ARPC2: variants seen among roughly 807,000 people sequenced by gnomAD.
The protein encoded by ARPC2 is actin-related protein 2/3 complex subunit 2.
In ARPC2, 4 loss-of-function variants were observed where a neutral mutation model predicts 38.6. The observed-to-expected ratio is 0.10, with a 90% CI of 0.05 to 0.24. ARPC2 has a LOEUF of 0.24. Among genes scored for constraint, ARPC2 ranks in the 10% least tolerant of loss-of-function variants. The probability of loss-of-function intolerance (pLI) is 1.00; values close to 1 mark genes in which losing one functional copy is unlikely to be tolerated. For missense variants in ARPC2, 229 were observed against 387.3 expected (o/e 0.59, Z 3.43); for synonymous variants, 125 against 140.8 (o/e 0.89, Z 0.79).
In ARPC2 at chr2:218,217,521, C is replaced by G. The variant is rs1420625799; in HGVS notation, c.51C>G (p.Leu17=). Residue 17 remains leucine (L), a synonymous_variant, in exon 2 of 11, where the codon CTC becomes CTG. Transcript: ENST00000315717. The part of the protein sequence containing the change: ...NNRIIEETLA[L]KFENAAAGNK... ...GCATCATCGAGGAGACGCTCGCGCT[C>G]AAGTTCGAGAACGCGGCCGCCGGGT... 5 of 1,613,666 alleles carry G rather than the reference C, an allele frequency of 3.1e-6. No individual in the cohort carries two copies. The highest frequency in any genetic ancestry group is 2.5e-6 in the Non-Finnish European group (3 of 1,179,822).
At position 218,253,899 on chromosome 2, in the gene ARPC2, C is replaced by T; in HGVS notation, c.887C>T (p.Thr296Met). ...KKEMKTITGK[T>M]FSSR ...TATCTCTCCTTTTGAAGGGGGAAGACGTTTTCATCCCGCTAATCTTGGGAA... is the reference window on the plus strand; with the variant it reads ...TATCTCTCCTTTTGAAGGGGGAAGATGTTTTCATCCCGCTAATCTTGGGAA... Residue 296 changes from threonine (T) to methionine (M), a missense_variant, in exon 11 of 11, where the codon ACG becomes ATG. Around this residue, in one of 3 missense-constraint regions of ARPC2, gnomAD observed 92 missense variants for 152.3 expected, o/e 0.60. Transcript: ENST00000315717. 1.9e-6 allele frequency: 3 copies of T among 1,613,862 alleles called. No individual in the cohort carries two copies. The highest frequency in any genetic ancestry group is 2.5e-6 in the Non-Finnish European group (3 of 1,179,962).
intron 3 of ARPC2, among the ~76,000 whole-genome samples, chr2:218,228,008 C>CT (rs1395513458): frequency 7.9e-5 from 12 of 152,238 alleles, no homozygotes; most frequent in African/African-American, 2.9e-4. Flanking sequence ...AAGATATATT[C>CT]TGAGTATTTA....
chr2:218,239,162 T>C, intron 6 of ARPC2: 1 of 584,814 alleles, frequency 1.7e-6, no homozygotes, highest in East Asian at 2.8e-5. Context: ...CATGTTATAT[T>C]TACAAGTCAA....
At chr2:218,244,398 C>A (rs1689984160) in intron 7 of ARPC2, among the ~76,000 whole-genome samples, 1 of 152,202 alleles carries the variant, frequency 6.6e-6, no homozygotes, top group South Asian at 2.1e-4. Context: ...TTGCCTATTC[C>A]TGTACAGTGT....
intron 2 of ARPC2, among the ~76,000 whole-genome samples, chr2:218,219,735 G>C (rs1689342141): frequency 6.6e-6 from 1 of 152,156 alleles, no homozygotes. Context: ...GTGTATGTGT[G>C]TATAAATCTA....
At position 218,253,868 on chromosome 2, in the gene ARPC2, C is replaced by A. The variant is rs780245997; in HGVS notation, c.879-23C>A. 4 of 1,613,344 alleles carry A rather than the reference C, an allele frequency of 2.5e-6. No homozygotes were observed. The South Asian group carries it at 3.3e-5, about 13-fold the overall frequency. Reference sequence around the variant, plus strand: ...GAAAGGGCAGCCAGAAACTGACCTTCGCACTTATCTCTCCTTTTGAAGGGG... The same window carrying A: ...GAAAGGGCAGCCAGAAACTGACCTTAGCACTTATCTCTCCTTTTGAAGGGG... On this transcript the variant is annotated intron_variant, in intron 10 of 10. Transcript: ENST00000315717.
Position 218,238,829 on chromosome 2 carries a change from A to G in ARPC2, c.434A>G (p.His145Arg). 1.2e-6 allele frequency: 2 copies of G among 1,613,518 alleles called. No homozygotes were observed. The highest frequency in any genetic ancestry group is 8.5e-7 in the Non-Finnish European group (1 of 1,179,620). The part of the protein sequence containing the change: ...GKEGENRAVI[H>R]YRDDETMYVE... ...GAAGGAGAGAACAGGGCAGTTATCC[A>G]TTATAGGGATGATGAGACCATGTGA... The change falls in exon 6 of 11, where the codon CAT (histidine) becomes CGT (arginine). Residue 145 changes from histidine (H) to arginine (R), a missense_variant. Around this residue, in one of 3 missense-constraint regions of ARPC2, gnomAD observed 135 missense variants for 214.1 expected, o/e 0.63. Transcript: ENST00000315717.
At chr2:218,226,937 G>A in intron 3 of ARPC2, 4 of 453,776 alleles carry the variant, frequency 8.8e-6, no homozygotes, top group South Asian at 4.7e-5. Context: ...GTCAGAGAGA[G>A]ATGTTGCTGC....
intron 4 of ARPC2, 40 bp downstream of exon 4, chr2:218,228,890 C>T: frequency 7.5e-7 from 1 of 1,341,406 alleles, no homozygotes. Context: ...CTTGTTTCCT[C>T]ACCTTTCATT....
intron 4 of ARPC2, chr2:218,233,389 G>A (rs1559478777): frequency 3.3e-5 from 5 of 151,750 alleles, no homozygotes; most frequent in Admixed American, 2.0e-4. Context: ...ATGAGTTTTC[G>A]AAAGGACATT....
At chr2:218,249,524 C>G (rs1467165253) in intron 9 of ARPC2, 60 bp downstream of exon 9, 1 of 1,323,982 alleles carries the variant, frequency 7.6e-7, no homozygotes, top group African/African-American at 1.5e-5. Flanking sequence ...CACCAGAACT[C>G]CTGACAGAAA....
chr2:218,226,626 CAAAAAAAAAAAAAA>C (rs34789459), intron 3 of ARPC2, among the ~76,000 whole-genome samples: 1 of 61,462 alleles, frequency 1.6e-5, no homozygotes, highest in Non-Finnish European at 2.8e-5. Flanking sequence ...GACTCCATCT[CAAAAAAAAAAAAAA>C]AAAAAAAAAG....
intron 2 of ARPC2, among the ~76,000 whole-genome samples, chr2:218,219,640 C>T (rs1331790013): frequency 5.3e-5 from 8 of 152,138 alleles, no homozygotes; most frequent in Non-Finnish European, 1.0e-4. Context: ...CTGCTCCTTT[C>T]CTCAGGACAT....
At chr2:218,220,064 G>GA (rs1326954663) in intron 2 of ARPC2, among the ~76,000 whole-genome samples, 8 of 152,074 alleles carry the variant, frequency 5.3e-5, no homozygotes, top group Non-Finnish European at 1.0e-4. Context: ...GGCAGCAACA[G>GA]AAAAAAAGGG....
Position 218,249,838 on chromosome 2 carries a change from T to G in ARPC2, c.795T>G (p.Arg265=). Residue 265 remains arginine, a synonymous_variant, in exon 10 of 11, where the codon CGT becomes CGG. Transcript: ENST00000315717. ...GTTCCCAGGCCTATATTCACACACG[T>G]ATGCGGGCGAAAACGTCTGACTTCC... is the stretch of plus-strand genomic sequence containing the variant. ...IKCSKAYIHT[R]MRAKTSDFLK... The G allele has an allele frequency of 6.2e-7, 1 of 1,613,792 alleles. No homozygotes were observed. The highest frequency in any genetic ancestry group is 8.5e-7 in the Non-Finnish European group (1 of 1,179,896).
intron 5 of ARPC2, chr2:218,236,811 A>T (rs2106152511): frequency 6.6e-6 from 1 of 151,982 alleles, no homozygotes; most frequent in South Asian, 2.1e-4. Context: ...AAAAATACAG[A>T]TCTCAGGAAT....
intron 10 of ARPC2, chr2:218,252,904 G>C (rs1459652007): frequency 2.2e-6 from 1 of 456,644 alleles, no homozygotes. Flanking sequence ...CCTCCTCTCT[G>C]GGACTTAGAA....
Position 218,254,107 on chromosome 2 carries a change from TTA to T in ARPC2, c.*193_*194del. On this transcript the variant is annotated 3_prime_UTR_variant, in exon 11 of 11. Transcript: ENST00000315717. ...GCAAAGACTTCATAGTTCCCAAGAA[TTA>T]AAAAAAAAAAAAAAAGAATTCCACT... The T allele has an allele frequency of 2.0e-6, 1 of 503,868 alleles. No individual in the cohort carries two copies. Among genetic ancestry groups the T allele is most frequent in the Non-Finnish European group, 3.3e-6 (1 of 302,468 alleles). 31.2% of individuals were successfully genotyped at this position (503,868 alleles called of 1,614,324 possible). A position where few individuals can be genotyped will look rare whatever the true frequency, so the allele number is the denominator to read the frequency against.
chr2:218,240,673 CGAGGTCAA>C (rs1467223415), intron 7 of ARPC2, among the ~76,000 whole-genome samples: 6 of 152,026 alleles, frequency 3.9e-5, no homozygotes, highest in Admixed American at 6.6e-5. Flanking sequence ...GGGCGGATCA[CGAGGTCAA>C]GAGGTCAAGA....
Sources: gnomAD v4.1 joint callset for allele counts (sites outside exome capture counted in the v4.1 genomes callset) on GRCh38, gnomAD v4.1.1 for gene constraint, gnomAD v4.1.1 regional missense constraint, MANE v1.5 for transcripts, NCBI Gene and HGNC (gene_info 2026-07-23, HGNC 2026-07-21) for gene names.